ST7L: variants seen among roughly 807,000 people sequenced by gnomAD.
ST7L encodes the protein suppressor of tumorigenicity 7 protein-like.
Under a neutral mutation model 72.5 loss-of-function variants are expected in ST7L, and 57 were observed. The ratio of observed to expected loss-of-function variants is 0.79; its 90% CI spans 0.64 to 0.98. The LOEUF (loss-of-function observed/expected upper bound fraction) is 0.98, where lower values mean the gene tolerates loss of function less well. Ranked by LOEUF, ST7L falls within the 50% of genes least tolerant of loss-of-function variation. The pLI is 0.00. For missense variants in ST7L, 576 were observed against 672.2 expected, an observed-to-expected ratio of 0.86 and a Z score of 1.58; for synonymous variants, 221 against 240.9, an observed-to-expected ratio of 0.92 and a Z score of 0.77.
rs756830414 is a variant in ST7L at position 112,542,089 on chromosome 1, G to A, written c.1491C>T (p.Thr497=). ...TTGGGTAAACAGAAACATGATGAAA[G>A]GCTGCAATGGAGAATAGGTAAGAAT... ...TETADRELLP[T]FHHVSVYPKK... is the part of the protein sequence containing the mutation. Residue 497 remains threonine, a splice_region_variant and synonymous_variant, in exon 14 of 15, where the codon ACC becomes ACT. Coordinates refer to ENST00000358039, the MANE Select transcript of ST7L (RefSeq NM_017744.5). The A allele has an allele frequency of 3.1e-6, 5 of 1,604,258 alleles. 1 individual carries two copies. In the South Asian group the frequency reaches 5.6e-5, roughly 18 times the overall value.
rs1453743696 is a variant in ST7L at position 112,583,969 on chromosome 1, T to C, written c.856+3A>G. 6.2e-6 allele frequency: 10 copies of C among 1,612,866 alleles called. No homozygotes were observed. The highest frequency in any genetic ancestry group is 8.5e-6 in the Non-Finnish European group (10 of 1,179,592). ...CAGTAATAACCAGTTCAAACTTGCTTACTCAGTTGAGCTTCATGCTGAGGA... is the reference window on the plus strand; with the variant it reads ...CAGTAATAACCAGTTCAAACTTGCTCACTCAGTTGAGCTTCATGCTGAGGA... On this transcript the variant is annotated splice_donor_region_variant and intron_variant, in intron 7 of 14. Coordinates refer to ENST00000358039, the MANE Select transcript of ST7L (RefSeq NM_017744.5).
At chr1:112,557,625 G>A (rs1659421418) in intron 11 of ST7L, among the ~76,000 whole-genome samples, 1 of 152,188 alleles carries the variant, frequency 6.6e-6, no homozygotes, top group Non-Finnish European at 1.5e-5. Context: ...GAACTGCTGA[G>A]TCATATGATA....
intron 5 of ST7L, among the ~76,000 whole-genome samples, chr1:112,595,689 G>C (rs1485004490): frequency 6.6e-6 from 1 of 152,112 alleles, no homozygotes; most frequent in Non-Finnish European, 1.5e-5. Flanking sequence ...AAAGTGCTGG[G>C]ATTACAGGCA....
In ST7L at chr1:112,588,788, G is replaced by A. The variant is rs150390330; in HGVS notation, c.701+2737C>T. On this transcript the variant is annotated intron_variant, in intron 6 of 14. Coordinates refer to ENST00000358039, the MANE Select transcript of ST7L (RefSeq NM_017744.5). Reference sequence around the variant, plus strand: ...TTTTTAATATGCTGCTGTATTTGGAGTGCTCTTTTGTTTTCAGCTATTATT... The same window carrying A: ...TTTTTAATATGCTGCTGTATTTGGAATGCTCTTTTGTTTTCAGCTATTATT... Among the ~76,000 whole-genome samples, 25 of 152,274 alleles carry A rather than the reference G, an allele frequency of 1.6e-4. No homozygotes were observed. In the East Asian group the frequency reaches 4.4e-3, roughly 27 times the overall value.
At chr1:112,563,703 G>A (rs1440442402) in intron 11 of ST7L, among the ~76,000 whole-genome samples, 1 of 152,098 alleles carries the variant, frequency 6.6e-6, no homozygotes, top group African/African-American at 2.4e-5. Context: ...TGGAAGCTAT[G>A]GTTAAAAAGA....
At chr1:112,556,955 A>G (rs1659220189) in intron 11 of ST7L, among the ~76,000 whole-genome samples, 2 of 125,006 alleles carry the variant, frequency 1.6e-5, no homozygotes, top group African/African-American at 6.3e-5. Context: ...CGACAGAGCG[A>G]GACTCTGTCT....
At chr1:112,597,328 C>T (rs1003550661) in intron 5 of ST7L, among the ~76,000 whole-genome samples, 2 of 152,264 alleles carry the variant, frequency 1.3e-5, no homozygotes, top group East Asian at 3.9e-4. Context: ...TGATAAAGAT[C>T]CCAGACCAGG....
rs373628053 is a variant in ST7L at position 112,603,356 on chromosome 1, T to C, written c.452-2508A>G. The stretch of plus-strand genomic sequence containing the variant: ...CATTCAAAATGTTAAGATATACCAA[T>C]AGATTTTCACATAACAGAGCATGCA... On this transcript the variant is annotated intron_variant, in intron 3 of 14. Coordinates refer to ENST00000358039, the MANE Select transcript of ST7L (RefSeq NM_017744.5). 2.3e-4 allele frequency among the ~76,000 whole-genome samples: 35 copies of C among 152,344 alleles called. No individual in the cohort carries two copies. The South Asian group carries it at 7.0e-3, about 31-fold the overall frequency.
chr1:112,603,638 T>C (rs1347965118), intron 3 of ST7L, among the ~76,000 whole-genome samples: 2 of 152,202 alleles, frequency 1.3e-5, no homozygotes, highest in Non-Finnish European at 2.9e-5. Context: ...TTTTTCACAA[T>C]GTGTGTATAG....
chr1:112,578,215 G>T, intron 10 of ST7L, 130 bp downstream of exon 10: 1 of 895,284 alleles, frequency 1.1e-6, no homozygotes. Context: ...AAGCCTAAAA[G>T]CCCAAGAAGA....
At chr1:112,618,323 T>C in intron 1 of ST7L, 2 of 992,196 alleles carry the variant, frequency 2.0e-6, no homozygotes, top group Non-Finnish European at 2.4e-6. Flanking sequence ...CCCACTGTTG[T>C]TTGTGGCGCT....
At chr1:112,589,146 T>C (rs531974942) in intron 6 of ST7L, among the ~76,000 whole-genome samples, 2 of 152,344 alleles carry the variant, frequency 1.3e-5, no homozygotes, top group African/African-American at 2.4e-5. Flanking sequence ...GATATCATTA[T>C]CATGGGTTCC....
chr1:112,542,212 C>A, intron 13 of ST7L, 122 bp from the exon 14 acceptor site: 4 of 1,014,884 alleles, frequency 3.9e-6, no homozygotes, highest in South Asian at 2.1e-5. Context: ...AAAGGAAAGT[C>A]TCTGGCTAAG....
chr1:112,582,834 G>A (rs1664332986), intron 7 of ST7L, among the ~76,000 whole-genome samples: 1 of 152,040 alleles, frequency 6.6e-6, no homozygotes, highest in African/African-American at 2.4e-5. Context: ...CATTAACCTA[G>A]TATTTAAGTT....
chr1:112,579,167 G>A (rs536537774), intron 9 of ST7L, among the ~76,000 whole-genome samples: 3 of 152,058 alleles, frequency 2.0e-5, no homozygotes, highest in East Asian at 1.9e-4. Flanking sequence ...GGTGGATCAC[G>A]AGGTCAGGAG....
rs189164934 is a variant in ST7L, at chr1:112,597,404, T to C, written c.622+567A>G. ...AGTTTGAGGTTACTTGGAGCTATGA[T>C]TGCACCACTGCACTCCAGCCTGGAC... On this transcript the variant is annotated intron_variant, in intron 5 of 14. Transcript: ENST00000358039. 9.3e-4 allele frequency among the ~76,000 whole-genome samples: 142 copies of C among 152,314 alleles called. 1 individual carries two copies. Among genetic ancestry groups the C allele is most frequent in the African/African-American group, 3.3e-3 (137 of 41,566 alleles).
chr1:112,554,353 T>G (rs527739009), intron 12 of ST7L, among the ~76,000 whole-genome samples: 12 of 152,202 alleles, frequency 7.9e-5, no homozygotes, highest in African/African-American at 2.6e-4. Context: ...AATAAACACA[T>G]GAAAAGATGT....
intron 9 of ST7L, among the ~76,000 whole-genome samples, 192 bp from the exon 10 acceptor site, chr1:112,578,609 A>G (rs901247821): frequency 6.6e-6 from 1 of 152,026 alleles, no homozygotes; most frequent in African/African-American, 2.4e-5. Context: ...CCCCGTCTCT[A>G]TTAAAAATAC....
chr1:112,541,978 A>G lies in ST7L; in HGVS notation c.1602T>C (p.Pro534=). Residue 534 remains proline (P), a synonymous_variant, in exon 14 of 15, where the codon CCT becomes CCC. Coordinates refer to ENST00000358039, the MANE Select transcript of ST7L (RefSeq NM_017744.5). ...CTTTAGCAAAAATACCCATGATTTCAGGAAACTGGTGAGTGAGAATGGCTA... is the reference window on the plus strand; with the variant it reads ...CTTTAGCAAAAATACCCATGATTTCGGGAAACTGGTGAGTGAGAATGGCTA... ...AMIAILTHQF[P]EIMGIFAKAV... 1 of 1,613,844 alleles carries G rather than the reference A, an allele frequency of 6.2e-7. No homozygotes were observed. The highest frequency in any genetic ancestry group is 8.5e-7 in the Non-Finnish European group (1 of 1,179,900).
Sources: gnomAD v4.1 joint callset for allele counts (sites outside exome capture counted in the v4.1 genomes callset) on GRCh38, gnomAD v4.1.1 for gene constraint, MANE v1.5 for transcripts, NCBI Gene and HGNC (gene_info 2026-07-23, HGNC 2026-07-21) for gene names.